The following KCNU1 variants were observed in gnomAD, a reference collection of about 807,000 sequenced individuals.
KCNU1 encodes the protein potassium channel subfamily U member 1.
Under a neutral mutation model 126.8 loss-of-function variants are expected in KCNU1, and 93 were observed. The observed-to-expected ratio is 0.73, with a 90% CI of 0.62 to 0.87. KCNU1 has a LOEUF of 0.87. Ranked by LOEUF, KCNU1 falls within the 40% of genes least tolerant of loss-of-function variation. The pLI is 0.00. For synonymous variants in KCNU1, 523 were observed against 494.2 expected, an observed-to-expected ratio of 1.06 and a Z score of -0.77; for missense variants, 1,330 against 1,367.1, an observed-to-expected ratio of 0.97 and a Z score of 0.43.
At chr8:36,915,675 C>T (rs904357838) in intron 22 of KCNU1, among the ~76,000 whole-genome samples, 10 of 152,192 alleles carry the variant, frequency 6.6e-5, no homozygotes, top group Non-Finnish European at 1.3e-4. Context: ...ACCATGGGTT[C>T]TTTATCACAA....
intron 10 of KCNU1, among the ~76,000 whole-genome samples, chr8:36,823,901 G>C (rs545872217): frequency 6.7e-6 from 1 of 148,610 alleles, no homozygotes; most frequent in Non-Finnish European, 1.5e-5. Context: ...GCAATGGTGC[G>C]ATCTCAGTTC....
At chr8:36,918,384 TA>T (rs1436306217) in intron 22 of KCNU1, among the ~76,000 whole-genome samples, 1 of 150,400 alleles carries the variant, frequency 6.6e-6, no homozygotes, top group Non-Finnish European at 1.5e-5. Flanking sequence ...TCTGCAAAGA[TA>T]AAAATAAAAA....
intron 21 of KCNU1, 29 bp downstream of exon 21, chr8:36,909,564 T>TTGAAATCC: frequency 7.9e-7 from 1 of 1,269,742 alleles, no homozygotes; most frequent in Non-Finnish European, 1.1e-6. Context: ...AAAGTTAATA[T>TTGAAATCC]TTATAAGGAT....
Position 36,808,737 on chromosome 8 carries a change from A to G in KCNU1, c.676A>G (p.Lys226Glu), listed in dbSNP as rs373140205. ...IKTSNSVKFSKLLSIILSTWF... is the reference protein window; with the variant it reads ...IKTSNSVKFSELLSIILSTWF... ...CTCTAGTAACTCAGTGAAGTTTTCC[A>G]AACTGCTGTCAATAATTCTCAGTAC... The change falls in exon 7 of 27, where the codon AAA becomes GAA. Residue 226 changes from lysine (K) to glutamate (E), a missense_variant. Lys to Glu is a moderately conservative substitution (Grantham distance 56). Around this residue, in one of 3 missense-constraint regions of KCNU1, gnomAD observed 29 missense variants for 57.8 expected, o/e 0.50. Coordinates refer to ENST00000399881, the MANE Select transcript of KCNU1 (RefSeq NM_001031836.3). 1 of 1,611,114 alleles carries G rather than the reference A, an allele frequency of 6.2e-7. No homozygotes were observed. Among genetic ancestry groups the G allele is most frequent in the Non-Finnish European group, 8.5e-7 (1 of 1,178,462 alleles).
rs2130301114 is a variant in KCNU1, at chr8:36,784,449, C to A, written c.39C>A (p.Asp13Glu). Residue 13 changes from aspartate to glutamate, a missense_variant, in exon 1 of 27, where the codon GAC (aspartate) becomes GAA (glutamate). Around this residue, in one of 3 missense-constraint regions of KCNU1, gnomAD observed 247 missense variants for 255.4 expected, o/e 0.97. Coordinates refer to ENST00000399881, the MANE Select transcript of KCNU1 (RefSeq NM_001031836.3). ...QTKLRNETWE[D>E]LPKMSCTTEI... ...AGCTACGAAATGAAACTTGGGAAGACTTGCCAAAAATGTCCTGCACAACTG... is the reference window on the plus strand; with the variant it reads ...AGCTACGAAATGAAACTTGGGAAGAATTGCCAAAAATGTCCTGCACAACTG... 6.2e-7 allele frequency: 1 copy of A among 1,613,364 alleles called. No individual in the cohort carries two copies.
chr8:36,878,754 C>T (rs941414298), intron 19 of KCNU1, among the ~76,000 whole-genome samples: 2 of 149,490 alleles, frequency 1.3e-5, no homozygotes, highest in East Asian at 1.9e-4. Context: ...TCAATTAGGA[C>T]ATATGTGTAT....
At chr8:36,889,417 A>G in intron 19 of KCNU1, 2 of 340,462 alleles carry the variant, frequency 5.9e-6, no homozygotes, top group Non-Finnish European at 1.2e-5. Context: ...TGTCATCTTG[A>G]GCTTTTTAAT....
chr8:36,907,315 C>G (rs1362262431), intron 20 of KCNU1, among the ~76,000 whole-genome samples: 1 of 152,150 alleles, frequency 6.6e-6, no homozygotes, highest in Non-Finnish European at 1.5e-5. Flanking sequence ...AATCAGGAGA[C>G]AGTTTAGTGC....
At chr8:36,794,485 A>AT (rs768431276) in intron 2 of KCNU1, among the ~76,000 whole-genome samples, 52 of 151,830 alleles carry the variant, frequency 3.4e-4, no homozygotes, top group Non-Finnish European at 5.7e-4. Context: ...TAATTTTAGT[A>AT]TTTTTTTTCC....
chr8:36,826,117 G>A (rs1211189452), intron 10 of KCNU1, among the ~76,000 whole-genome samples: 5 of 150,304 alleles, frequency 3.3e-5, no homozygotes, highest in African/African-American at 4.9e-5. Context: ...CTTTTCTTCC[G>A]GGATTCTAAT....
chr8:36,811,532 C>T (rs912476865), intron 7 of KCNU1, among the ~76,000 whole-genome samples: 4 of 152,156 alleles, frequency 2.6e-5, no homozygotes, highest in African/African-American at 9.7e-5. Flanking sequence ...AGGGGAAATG[C>T]ACCAGTGAGC....
intron 19 of KCNU1, among the ~76,000 whole-genome samples, chr8:36,893,884 A>G (rs1447911592): frequency 6.6e-6 from 1 of 152,040 alleles, no homozygotes; most frequent in Non-Finnish European, 1.5e-5. Flanking sequence ...GTTACTTTTT[A>G]TAGTTATTTT....
intron 22 of KCNU1, 91 bp from the exon 23 acceptor site, chr8:36,918,732 A>C: frequency 1.2e-6 from 1 of 830,820 alleles, no homozygotes; most frequent in Non-Finnish European, 2.0e-6. Flanking sequence ...TTGCTAAGAT[A>C]AAGCACCAAG....
chr8:36,845,985 G>T (rs1217228411), intron 18 of KCNU1, 86 bp downstream of exon 18: 4 of 776,144 alleles, frequency 5.2e-6, no homozygotes, highest in Non-Finnish European at 8.6e-6. Context: ...TCTCTTAAAA[G>T]GCAATGTCCA....
intron 3 of KCNU1, among the ~76,000 whole-genome samples, chr8:36,804,910 G>C (rs977058895): frequency 4.6e-5 from 7 of 152,160 alleles, no homozygotes; most frequent in Middle Eastern, 6.8e-3. Flanking sequence ...TCATCTCTCT[G>C]GCTCTGAATC....
At chr8:36,893,003 C>T (rs987057106) in intron 19 of KCNU1, among the ~76,000 whole-genome samples, 7 of 152,030 alleles carry the variant, frequency 4.6e-5, no homozygotes, top group Non-Finnish European at 1.0e-4. Flanking sequence ...GCTTTGTCAC[C>T]CAGGACAGCA....
chr8:36,860,440 A>G, intron 18 of KCNU1, among the ~76,000 whole-genome samples: 1 of 152,130 alleles, frequency 6.6e-6, no homozygotes. Flanking sequence ...TCAGAGTAGG[A>G]GGAATAATTG....
At position 36,909,314 on chromosome 8, in the gene KCNU1, C is replaced by A. The variant is rs201120325; in HGVS notation, c.2110C>A (p.Arg704=). The A allele has an allele frequency of 1.7e-5, 28 of 1,607,914 alleles. No homozygotes were observed. In the South Asian group the frequency reaches 2.7e-4, roughly 16 times the overall value. Residue 704 remains arginine, a synonymous_variant, in exon 21 of 27, where the codon CGA becomes AGA. Coordinates refer to ENST00000399881, the MANE Select transcript of KCNU1 (RefSeq NM_001031836.3). The part of the protein sequence containing the change: ...PTSLDKVTLK[R]TGKSKYKFRN... Reference sequence around the variant, plus strand: ...ACTGTGGCATCCTTATCCTTAGAAACGAACTGGCAAGTCAAAGTATAAGTT... The same window carrying A: ...ACTGTGGCATCCTTATCCTTAGAAAAGAACTGGCAAGTCAAAGTATAAGTT...
chr8:36,900,696 C>A (rs1807381794), intron 19 of KCNU1, among the ~76,000 whole-genome samples: 1 of 152,006 alleles, frequency 6.6e-6, no homozygotes, highest in African/African-American at 2.4e-5. Flanking sequence ...GCAGATGTAG[C>A]CTTTGATATA....
Sources: gnomAD v4.1 joint callset for allele counts (sites outside exome capture counted in the v4.1 genomes callset) on GRCh38, gnomAD v4.1.1 for gene constraint, gnomAD v4.1.1 regional missense constraint, MANE v1.5 for transcripts, NCBI Gene and HGNC (gene_info 2026-07-23, HGNC 2026-07-21) for gene names.